CCDC171: variants seen among roughly 807,000 people sequenced by gnomAD.
CCDC171 encodes coiled-coil domain containing 171.
CCDC171 carries 177 observed loss-of-function variants against 168.2 expected under a neutral mutation model. That is an observed-to-expected ratio of 1.05 (90% CI 0.93 to 1.19). CCDC171 has a LOEUF of 1.19. CCDC171 is among the 50% of genes most tolerant of loss of function. CCDC171 has a pLI of 0.00. For missense variants in CCDC171, 1,991 were observed against 1,539.0 expected (o/e 1.29, Z -4.91); for synonymous variants, 687 against 540.8 (o/e 1.27, Z -3.75).
chr9:15,707,674 C>A (rs550492177), intron 11 of CCDC171, among the ~76,000 whole-genome samples: 2 of 152,252 alleles, frequency 1.3e-5, no homozygotes, highest in Admixed American at 6.5e-5. Flanking sequence ...TAAAAACATA[C>A]TATTATTCTC....
chr9:15,857,717 C>T (rs2061399032), intron 23 of CCDC171, among the ~76,000 whole-genome samples: 1 of 151,786 alleles, frequency 6.6e-6, no homozygotes, highest in African/African-American at 2.4e-5. Flanking sequence ...AGCCACCGTG[C>T]CTGGCCCAGT....
chr9:15,648,556 G>C (rs2047234017), intron 7 of CCDC171, among the ~76,000 whole-genome samples: 1 of 152,110 alleles, frequency 6.6e-6, no homozygotes, highest in African/African-American at 2.4e-5. Flanking sequence ...AAAGTCTCAG[G>C]ATACAAAATC....
chr9:15,611,461 G>T (rs755062846), intron 6 of CCDC171, among the ~76,000 whole-genome samples: 3 of 152,112 alleles, frequency 2.0e-5, no homozygotes, highest in Admixed American at 2.0e-4. Flanking sequence ...GGAACCTTAC[G>T]ATGTCTTTTT....
intron 25 of CCDC171, among the ~76,000 whole-genome samples, chr9:15,939,974 T>C (rs1242246338): frequency 6.6e-6 from 1 of 151,924 alleles, no homozygotes; most frequent in Non-Finnish European, 1.5e-5. Context: ...GTTTCATGAC[T>C]GCTTGAAAGC....
Position 16,033,864 on chromosome 9 carries a change from C to T in CCDC171, n.999-1593C>T, listed in dbSNP as rs77647204. On this transcript the variant is annotated intron_variant and non_coding_transcript_variant, in intron 6 of 9. Coordinates refer to the CCDC171 transcript ENST00000486641. ...TTCTCCCAACATCCTATGCTAAGAT[C>T]GGGTGGCAGGGCCCCAAGGGCAGGT... Among the ~76,000 whole-genome samples the T allele has an allele frequency of 4.1e-4, 63 of 152,224 alleles. 1 individual carries two copies. The East Asian group carries it at 0.012, about 29-fold the overall frequency.
At chr9:15,825,144 C>T (rs768587780) in intron 21 of CCDC171, among the ~76,000 whole-genome samples, 5 of 152,014 alleles carry the variant, frequency 3.3e-5, no homozygotes, top group African/African-American at 4.8e-5. Context: ...GAATATTTTT[C>T]TAGTTTACAC....
At chr9:15,608,003 G>T (rs1364079984) in intron 6 of CCDC171, among the ~76,000 whole-genome samples, 3 of 152,232 alleles carry the variant, frequency 2.0e-5, no homozygotes, top group South Asian at 4.2e-4. Context: ...TCTGACGATG[G>T]CCTTCTTGCT....
intron 24 of CCDC171, among the ~76,000 whole-genome samples, chr9:15,888,601 A>G (rs965539172): frequency 6.6e-6 from 1 of 152,178 alleles, no homozygotes; most frequent in African/African-American, 2.4e-5. Context: ...AATTTACACA[A>G]TGAATTGTTA....
At chr9:15,673,981 G>C (rs951635693) in intron 9 of CCDC171, among the ~76,000 whole-genome samples, 1 of 152,008 alleles carries the variant, frequency 6.6e-6, no homozygotes, top group Non-Finnish European at 1.5e-5. Context: ...GCAGTGCTGG[G>C]CTTTTTTTTG....
the CCDC171 span, among the ~76,000 whole-genome samples, chr9:16,106,825 A>G: frequency 3.9e-5 from 6 of 152,172 alleles, no homozygotes; most frequent in Non-Finnish European, 5.9e-5. Flanking sequence ...CCATGTCCTT[A>G]TCTGCCCAGC....
chr9:15,747,128 A>T (rs2055352112), intron 18 of CCDC171, among the ~76,000 whole-genome samples: 1 of 152,148 alleles, frequency 6.6e-6, no homozygotes, highest in African/African-American at 2.4e-5. Context: ...TCACAGTGTA[A>T]ACCAAGTTGC....
intron 6 of CCDC171, among the ~76,000 whole-genome samples, chr9:16,025,070 C>G (rs1370048407): frequency 6.6e-6 from 1 of 152,204 alleles, no homozygotes; most frequent in East Asian, 1.9e-4. Context: ...GTAAGTTAAA[C>G]GTAGAATAAC....
chr9:15,868,030 A>G (rs144325396), intron 23 of CCDC171, among the ~76,000 whole-genome samples: 2 of 152,082 alleles, frequency 1.3e-5, no homozygotes, highest in Non-Finnish European at 2.9e-5. Flanking sequence ...TAGATCTTTA[A>G]TTGGGATGTA....
At chr9:15,627,203 C>G (rs966228905) in intron 7 of CCDC171, among the ~76,000 whole-genome samples, 4 of 151,944 alleles carry the variant, frequency 2.6e-5, no homozygotes, top group Non-Finnish European at 4.4e-5. Flanking sequence ...TGATTCTTCT[C>G]TCTTTTCTTC....
Position 15,744,389 on chromosome 9 carries a change from G to A in CCDC171, c.2166G>A (p.Arg722=). The part of the protein sequence containing the change: ...HFKKLLSQTQ[R]EQMSLLAACA... ...AAAAACTGTTATCACAGACTCAAAG[G>A]GAACAGATGTCCTTGCTGGCAGCCT... The change falls in exon 17 of 26, where the codon AGG becomes AGA. Residue 722 remains arginine (R), a synonymous_variant. Coordinates refer to ENST00000380701, the MANE Select transcript of CCDC171 (RefSeq NM_173550.4). The A allele has an allele frequency of 6.2e-7, 1 of 1,614,134 alleles. No homozygotes were observed. The highest frequency in any genetic ancestry group is 2.2e-5 in the East Asian group (1 of 44,874).
chr9:15,737,395 A>G (rs184343415), intron 16 of CCDC171, among the ~76,000 whole-genome samples: 4 of 152,176 alleles, frequency 2.6e-5, no homozygotes, highest in South Asian at 2.1e-4. Flanking sequence ...TAGATGGTCA[A>G]AGTTTGAGGA....
At chr9:15,556,946 G>A (rs2038854471) in intron 1 of CCDC171, among the ~76,000 whole-genome samples, 1 of 152,118 alleles carries the variant, frequency 6.6e-6, no homozygotes, top group South Asian at 2.1e-4. Flanking sequence ...TCCAGTTTCA[G>A]CTTTCTGCAT....
intron 7 of CCDC171, among the ~76,000 whole-genome samples, chr9:15,649,076 C>G (rs921288381): frequency 6.6e-6 from 1 of 152,114 alleles, no homozygotes; most frequent in African/African-American, 2.4e-5. Flanking sequence ...CAGAACGGAG[C>G]TCTCAGAAGT....
At chr9:15,557,393 T>C (rs1372410750) in intron 1 of CCDC171, among the ~76,000 whole-genome samples, 1 of 152,150 alleles carries the variant, frequency 6.6e-6, no homozygotes, top group Non-Finnish European at 1.5e-5. Flanking sequence ...TTCTTCCATT[T>C]GTTTGTGTCC....
Sources: allele counts gnomAD v4.1 joint callset (sites outside exome capture counted in the v4.1 genomes callset), GRCh38; gene constraint gnomAD v4.1.1; transcripts MANE v1.5; gene names NCBI Gene and HGNC (gene_info 2026-07-23, HGNC 2026-07-21).